RACK1: variants seen among roughly 807,000 people sequenced by gnomAD.
RACK1 encodes receptor for activated C kinase 1.
RACK1 carries 3 observed loss-of-function variants against 42.2 expected under a neutral mutation model. The observed-to-expected ratio is 0.07, with a 90% CI of 0.03 to 0.18. The LOEUF is 0.18. Ranked by LOEUF, RACK1 falls within the 10% of genes least tolerant of loss-of-function variation. RACK1 has a pLI of 1.00. For missense variants in RACK1, 146 were observed against 403.2 expected (o/e 0.36, Z 5.46); for synonymous variants, 181 against 154.8 (o/e 1.17, Z -1.25).
At chr5:181,237,957 G>T in intron 6 of RACK1, 142 bp downstream of exon 6, 1 of 858,876 alleles carries the variant, frequency 1.2e-6, no homozygotes. Context: ...CCACAACAGA[G>T]TTACTCAGAC....
rs1759249422 is a variant in RACK1, at chr5:181,239,103, G to A, written c.600C>T (p.Val200=). The A allele has an allele frequency of 3.1e-6, 5 of 1,613,888 alleles. No individual in the cohort carries two copies. Among genetic ancestry groups the A allele is most frequent in the Non-Finnish European group, 4.2e-6 (5 of 1,179,816 alleles). Residue 200 remains valine (V), a synonymous_variant, in exon 5 of 8, where the codon GTC becomes GTT. Coordinates refer to ENST00000512805, the MANE Select transcript of RACK1 (RefSeq NM_006098.5). ...GHTGYLNTVT[V]SPDGSLCASG... ...AAGCACAGAGGGATCCATCTGGAGAGACAGTCACCGTGTTCAGATAGCCTG... is the reference window on the plus strand; with the variant it reads ...AAGCACAGAGGGATCCATCTGGAGAAACAGTCACCGTGTTCAGATAGCCTG...
Position 181,243,864 on chromosome 5 carries a change from A to T in RACK1, c.-64T>A. The T allele has an allele frequency of 6.5e-7, 1 of 1,527,304 alleles. No homozygotes were observed. Among genetic ancestry groups the T allele is most frequent in the African/African-American group, 1.4e-5 (1 of 72,428 alleles). The allele number at this position is 1,527,304 out of a possible 1,614,324, so 94.6% of individuals were successfully genotyped here. ...TGGCACTGGATGGCTTAGAGAAACT[A>T]GCACCACAACCTCTCCTGCCGCCGC... On this transcript the variant is annotated 5_prime_UTR_variant, in exon 1 of 8. Transcript: ENST00000512805.
rs763158018 is a variant in RACK1 at position 181,238,809 on chromosome 5, C to A, written c.636+258G>T. 4,358 of 447,768 alleles carry A rather than the reference C, an allele frequency of 9.7e-3. 27 individuals carry two copies. The highest frequency in any genetic ancestry group is 0.013 in the Non-Finnish European group (3,299 of 245,974). The allele number at this position is 447,768 out of a possible 1,614,324, so 27.7% of individuals were successfully genotyped here. A position where few individuals can be genotyped will look rare whatever the true frequency, so the allele number is the denominator to read the frequency against. ...GTGAGACTCCGTCTCAAAAAAAAAA[C>A]AAAAAACAAACAAACAAAAAAACAA... On this transcript the variant is annotated intron_variant, in intron 5 of 7. Coordinates refer to ENST00000512805, the MANE Select transcript of RACK1 (RefSeq NM_006098.5).
intron 1 of RACK1, chr5:181,243,296 G>T (rs762784158): frequency 7.4e-7 from 1 of 1,358,524 alleles, no homozygotes; most frequent in Middle Eastern, 2.1e-4. Context: ...CTCCCCACGA[G>T]CCTTGGGCCG....
chr5:181,238,632 C>T lies in RACK1; in HGVS notation c.637-393G>A, dbSNP rs976212846. 1.2e-4 allele frequency: 43 copies of T among 346,512 alleles called. No homozygotes were observed. The Middle Eastern group carries it at 3.1e-3, about 25-fold the overall frequency. 21.5% of individuals were successfully genotyped at this position (346,512 alleles called of 1,614,324 possible). A position where few individuals can be genotyped will look rare whatever the true frequency, so the allele number is the denominator to read the frequency against. ...CCAGCCTGGCCAACATGGTAAAATCCTCTCTACTAACATACAAAAATTACC... is the reference window on the plus strand; with the variant it reads ...CCAGCCTGGCCAACATGGTAAAATCTTCTCTACTAACATACAAAAATTACC... On this transcript the variant is annotated intron_variant, in intron 5 of 7. Transcript: ENST00000512805.
chr5:181,238,432 A>G, intron 5 of RACK1, 193 bp from the exon 6 acceptor site: 1 of 565,668 alleles, frequency 1.8e-6, no homozygotes, highest in Non-Finnish European at 3.1e-6. Context: ...CAACCCCATC[A>G]AAAAACCCCT....
At chr5:181,241,215 GC>G (rs1006021993) in intron 3 of RACK1, 17 of 296,720 alleles carry the variant, frequency 5.7e-5, no homozygotes, top group African/African-American at 3.7e-4. Flanking sequence ...AATCGCCTGA[GC>G]CCAGGAGTTT....
chr5:181,241,233 A>G (rs1304765308), intron 3 of RACK1: 1 of 352,694 alleles, frequency 2.8e-6, no homozygotes, highest in South Asian at 4.6e-5. Flanking sequence ...GTTTGAGACC[A>G]CCCTGGGCAA....
chr5:181,238,729 G>C (rs1038473122), intron 5 of RACK1: 3 of 370,010 alleles, frequency 8.1e-6, no homozygotes, highest in South Asian at 2.1e-5. Flanking sequence ...TTGAACCCGG[G>C]AGATGGTTGC....
At chr5:181,239,762 G>A (rs140636205) in intron 3 of RACK1, among the ~76,000 whole-genome samples, 180 bp from the exon 4 acceptor site, 199 of 152,328 alleles carry the variant, frequency 1.3e-3, no homozygotes, top group African/African-American at 4.4e-3. Flanking sequence ...TAAAAATTTA[G>A]AGATGGTGGC....
At chr5:181,239,210 C>T in intron 4 of RACK1, 33 bp from the exon 5 acceptor site, 1 of 1,417,690 alleles carries the variant, frequency 7.1e-7, no homozygotes, top group East Asian at 2.3e-5. Flanking sequence ...GGTGAACATC[C>T]TAGCTCTTGA....
At chr5:181,243,145 A>G (rs1329601744) in intron 1 of RACK1, 4 of 643,508 alleles carry the variant, frequency 6.2e-6, no homozygotes, top group Non-Finnish European at 9.7e-6. Flanking sequence ...AAGTCAGACA[A>G]TTCTTAACAG....
intron 3 of RACK1, chr5:181,240,261 A>G: frequency 6.0e-6 from 1 of 166,064 alleles, no homozygotes; most frequent in Non-Finnish European, 1.3e-5. Flanking sequence ...AGGCTGAGGC[A>G]GGAGAATGGC....
chr5:181,239,352 A>G (rs1305651780), intron 4 of RACK1, 135 bp downstream of exon 4: 3 of 783,098 alleles, frequency 3.8e-6, no homozygotes, highest in East Asian at 4.9e-5. Context: ...GCTGACTTAC[A>G]AGGGACATCA....
chr5:181,237,956 A>T (rs1759202746), intron 6 of RACK1, 143 bp downstream of exon 6: 5 of 834,892 alleles, frequency 6.0e-6, no homozygotes, highest in Admixed American at 4.2e-5. Context: ...ACCACAACAG[A>T]GTTACTCAGA....
In RACK1 at chr5:181,237,039, G is replaced by A. The variant is rs1561678413; in HGVS notation, c.892C>T (p.Leu298=). 1 of 1,613,946 alleles carries A rather than the reference G, an allele frequency of 6.2e-7. No homozygotes were observed. ...SLAWSADGQT[L]FAGYTDNLVR... is the part of the protein sequence containing the mutation. Reference sequence around the variant, plus strand: ...AGGTTGTCCGTGTAGCCAGCAAACAGAGTCTGCAGGGAAGAAATGACAGTG... The same window carrying A: ...AGGTTGTCCGTGTAGCCAGCAAACAAAGTCTGCAGGGAAGAAATGACAGTG... Residue 298 remains leucine, a synonymous_variant, in exon 8 of 8, where the codon CTG becomes TTG. Transcript: ENST00000512805.
At position 181,243,899 on chromosome 5, in the gene RACK1, A is replaced by G. The variant is rs1251303255; in HGVS notation, c.-99T>C. ...CCTCTCCTGCCGCCGCCTTGCAGTG[A>G]AAGAGAGAGAGAAAAGCCCCCCGCC... On this transcript the variant is annotated 5_prime_UTR_variant, in exon 1 of 8. Coordinates refer to ENST00000512805, the MANE Select transcript of RACK1 (RefSeq NM_006098.5). 2 of 1,455,208 alleles carry G rather than the reference A, an allele frequency of 1.4e-6. No individual in the cohort carries two copies. Among genetic ancestry groups the G allele is most frequent in the Non-Finnish European group, 9.1e-7 (1 of 1,103,182 alleles). 90.1% of individuals were successfully genotyped at this position (1,455,208 alleles called of 1,614,324 possible).
chr5:181,238,057 A>T, intron 6 of RACK1, 42 bp downstream of exon 6: 1 of 1,606,422 alleles, frequency 6.2e-7, no homozygotes, highest in African/African-American at 1.3e-5. Flanking sequence ...GCCAGGGCTC[A>T]GAGTGCAGCC....
At chr5:181,241,291 T>A (rs1486557605) in intron 3 of RACK1, 1 of 537,776 alleles carries the variant, frequency 1.9e-6, no homozygotes, top group Admixed American at 3.1e-5. Flanking sequence ...TAGCTAGGCG[T>A]GGTGGCTGCG....
Sources: gnomAD v4.1 joint callset for allele counts (sites outside exome capture counted in the v4.1 genomes callset) on GRCh38, gnomAD v4.1.1 for gene constraint, MANE v1.5 for transcripts, NCBI Gene and HGNC (gene_info 2026-07-23, HGNC 2026-07-21) for gene names.